The following RIC1 variants were observed in gnomAD, a reference collection of about 807,000 sequenced individuals.
RIC1 encodes guanine nucleotide exchange factor subunit RIC1.
A neutral mutation model predicts 169.0 loss-of-function variants in RIC1; 88 were observed. The observed-to-expected ratio is 0.52, with a 90% CI of 0.44 to 0.62. The LOEUF (loss-of-function observed/expected upper bound fraction) is 0.62. Ranked by LOEUF, RIC1 falls within the 20% of genes least tolerant of loss-of-function variation. The pLI, the probability that RIC1 is intolerant of heterozygous loss-of-function variation, is 0.00. For missense variants in RIC1, 1,877 were observed against 1,725.5 expected (o/e 1.09, Z -1.56); for synonymous variants, 790 against 601.5 (o/e 1.31, Z -4.59).
At chr9:5,656,829 G>T (rs1819128524) in intron 2 of RIC1, 139 bp downstream of exon 2, 1 of 550,666 alleles carries the variant, frequency 1.8e-6, no homozygotes, top group African/African-American at 1.9e-5. Context: ...TTGCTTTACT[G>T]ATTATTCTAT....
At chr9:5,777,732 G>T (rs1827667757), downstream of RIC1, among the ~76,000 whole-genome samples, 1 of 152,138 alleles carries the variant, frequency 6.6e-6, no homozygotes, top group Non-Finnish European at 1.5e-5. Flanking sequence ...AATTGTCAGA[G>T]CACCATTTAT....
chr9:5,777,674 T>C (rs905900791), downstream of RIC1, among the ~76,000 whole-genome samples: 15 of 152,198 alleles, frequency 9.9e-5, no homozygotes, highest in African/African-American at 3.1e-4. Flanking sequence ...AATTTTCATA[T>C]ATGATATGAA....
Position 5,772,920 on chromosome 9 carries a change from G to C in RIC1, c.3823G>C (p.Gly1275Arg). 1 of 1,611,834 alleles carries C rather than the reference G, an allele frequency of 6.2e-7. No homozygotes were observed. The highest frequency in any genetic ancestry group is 8.5e-7 in the Non-Finnish European group (1 of 1,179,260). ...TTTGCTACACATTTTCATGGAGGCA[G>C]GGTGCCTAGACTGGTGCATCGTTAT... ...RYLLHIFMEAGCLDWCIVIGL... is the reference protein window; with the variant it reads ...RYLLHIFMEARCLDWCIVIGL... Residue 1275 changes from glycine (G) to arginine (R), a missense_variant, in exon 25 of 26, where the codon GGG becomes CGG. This residue lies in a region of RIC1 where 681 missense variants were observed against 582.0 expected (regional missense o/e 1.17). Transcript: ENST00000414202.
chr9:5,743,682 G>T lies in RIC1; in HGVS notation c.1047-7G>T, dbSNP rs1424212525. 2 of 1,598,930 alleles carry T rather than the reference G, an allele frequency of 1.3e-6. No individual in the cohort carries two copies. The highest frequency in any genetic ancestry group is 3.3e-4 in the Middle Eastern group (2 of 6,006). ...CTGTATTATATTTAGTTTCTGTTCT[G>T]TTTCAGTTATAGGTCTGATGGCACC... On this transcript the variant is annotated splice_region_variant and splice_polypyrimidine_tract_variant and intron_variant, in intron 9 of 25. Coordinates refer to ENST00000414202, the MANE Select transcript of RIC1 (RefSeq NM_020829.4).
intron 16 of RIC1, among the ~76,000 whole-genome samples, 190 bp from the exon 17 acceptor site, chr9:5,757,123 A>T (rs1033763517): frequency 2.0e-5 from 3 of 151,816 alleles, no homozygotes; most frequent in Admixed American, 2.0e-4. Context: ...TTTCTCTCTC[A>T]TCCCCATATA....
intron 2 of RIC1, among the ~76,000 whole-genome samples, chr9:5,671,761 C>T (rs902136352): frequency 6.6e-6 from 1 of 152,106 alleles, no homozygotes; most frequent in Non-Finnish European, 1.5e-5. Flanking sequence ...AAACATGAGC[C>T]TAAAGTCAGA....
intron 1 of RIC1, among the ~76,000 whole-genome samples, chr9:5,643,350 C>G (rs1818343549): frequency 6.6e-6 from 1 of 151,998 alleles, no homozygotes; most frequent in East Asian, 1.9e-4. Context: ...TAAACACATA[C>G]TGAGAACCAG....
At chr9:5,757,664 G>A (rs529913332) in intron 17 of RIC1, among the ~76,000 whole-genome samples, 27 of 152,294 alleles carry the variant, frequency 1.8e-4, no homozygotes, top group African/African-American at 5.3e-4. Flanking sequence ...TTCCTGTTAC[G>A]TGTACCAAAA....
intron 2 of RIC1, among the ~76,000 whole-genome samples, chr9:5,677,095 A>G (rs545329658): frequency 6.6e-6 from 1 of 152,234 alleles, no homozygotes; most frequent in Admixed American, 6.5e-5. Context: ...TTTTAAAGGA[A>G]ATGTGAAACT....
At chr9:5,734,882 G>T (rs1824605759) in intron 7 of RIC1, among the ~76,000 whole-genome samples, 1 of 151,858 alleles carries the variant, frequency 6.6e-6, no homozygotes, top group South Asian at 2.1e-4. Context: ...TTATTTCTTG[G>T]TTTCTAAAAA....
chr9:5,677,467 C>G (rs755656450), intron 2 of RIC1, among the ~76,000 whole-genome samples: 1 of 152,146 alleles, frequency 6.6e-6, no homozygotes, highest in Non-Finnish European at 1.5e-5. Flanking sequence ...CACAGCATAT[C>G]TTTTGCACCT....
Position 5,720,174 on chromosome 9 carries a change from A to G in RIC1, c.441-8A>G. 1.2e-6 allele frequency: 2 copies of G among 1,606,982 alleles called. No homozygotes were observed. The highest frequency in any genetic ancestry group is 1.7e-4 in the Middle Eastern group (1 of 6,038). ...GCTCTCTTAAAAATTAATTGATTCT[A>G]CCTACAGTTTGCAGTCTGTGTTGGA... On this transcript the variant is annotated splice_polypyrimidine_tract_variant and splice_region_variant and intron_variant, in intron 4 of 25. Transcript: ENST00000414202.
At chr9:5,757,222 A>C in intron 16 of RIC1, 91 bp from the exon 17 acceptor site, 1 of 1,412,456 alleles carries the variant, frequency 7.1e-7, no homozygotes, top group South Asian at 1.2e-5. Context: ...GTCTTCCATA[A>C]GCATGAAATC....
Position 5,769,009 on chromosome 9 carries a change from T to C in RIC1, c.3177T>C (p.Ile1059=). ...KDSDCAENMY[I]DMMLWRHARR... ...GTGACTGTGCTGAGAACATGTATATTGACATGATGCTCTGGAGACATGCTC... is the reference window on the plus strand; with the variant it reads ...GTGACTGTGCTGAGAACATGTATATCGACATGATGCTCTGGAGACATGCTC... Residue 1059 remains isoleucine, a synonymous_variant, in exon 22 of 26, where the codon ATT becomes ATC. Coordinates refer to ENST00000414202, the MANE Select transcript of RIC1 (RefSeq NM_020829.4). 3 of 1,613,778 alleles carry C rather than the reference T, an allele frequency of 1.9e-6. No homozygotes were observed. The highest frequency in any genetic ancestry group is 1.7e-6 in the Non-Finnish European group (2 of 1,179,840).
At chr9:5,666,057 C>G (rs1357772835) in intron 2 of RIC1, among the ~76,000 whole-genome samples, 1 of 152,170 alleles carries the variant, frequency 6.6e-6, no homozygotes, top group African/African-American at 2.4e-5. Flanking sequence ...GTGTGGCAGC[C>G]TACCCCACCA....
chr9:5,694,745 C>T (rs551835486), intron 3 of RIC1, among the ~76,000 whole-genome samples: 1 of 151,034 alleles, frequency 6.6e-6, no homozygotes, highest in South Asian at 2.1e-4. Flanking sequence ...AGACTGGAGG[C>T]TGTCTCAATG....
At chr9:5,703,278 G>A (rs146787370) in intron 3 of RIC1, among the ~76,000 whole-genome samples, 1 of 152,284 alleles carries the variant, frequency 6.6e-6, no homozygotes, top group African/African-American at 2.4e-5. Context: ...AAAAGAAAGG[G>A]ACTATAAGCC....
chr9:5,750,943 A>G (rs1825687030), intron 12 of RIC1, among the ~76,000 whole-genome samples: 1 of 151,882 alleles, frequency 6.6e-6, no homozygotes, highest in African/African-American at 2.4e-5. Context: ...TCTAAACTTA[A>G]CACCTTAAGT....
chr9:5,669,307 C>T (rs1470418231), intron 2 of RIC1, among the ~76,000 whole-genome samples: 1 of 152,146 alleles, frequency 6.6e-6, no homozygotes, highest in Non-Finnish European at 1.5e-5. Context: ...CCCTGAGTCC[C>T]CAAAGTCCAT....
Sources: allele counts gnomAD v4.1 joint callset (sites outside exome capture counted in the v4.1 genomes callset), GRCh38; gene constraint gnomAD v4.1.1; regional missense constraint gnomAD v4.1.1; transcripts MANE v1.5; gene names NCBI Gene and HGNC (gene_info 2026-07-23, HGNC 2026-07-21).